Variants in KLRG1 observed in about 807,000 individuals in gnomAD.
KLRG1 encodes the protein killer cell lectin-like receptor subfamily G member 1.
Under a neutral mutation model 21.8 loss-of-function variants are expected in KLRG1, and 16 were observed. That is an observed-to-expected ratio of 0.73 (90% CI 0.50 to 1.11). The LOEUF (loss-of-function observed/expected upper bound fraction) is 1.11, where lower values mean the gene tolerates loss of function less well. KLRG1 is among the 50% of genes most tolerant of loss of function. KLRG1 has a pLI of 0.00. For missense variants in KLRG1, 173 were observed against 218.3 expected, an observed-to-expected ratio of 0.79 and a Z score of 1.31; for synonymous variants, 69 against 75.9, an observed-to-expected ratio of 0.91 and a Z score of 0.47.
chr12:9,099,495 A>G, the KLRG1 span: 2 of 1,610,326 alleles, frequency 1.2e-6, no homozygotes, highest in East Asian at 2.2e-5. Context: ...CTGACTTCAC[A>G]GGGATTGAGA....
At chr12:9,110,434 A>C in the KLRG1 span, 1 of 627,130 alleles carries the variant, frequency 1.6e-6, no homozygotes, top group Non-Finnish European at 2.6e-6. Flanking sequence ...TAACAGGGTG[A>C]GTATAGTAAA....
chr12:9,072,346 C>A, the KLRG1 span: 2 of 1,613,288 alleles, frequency 1.2e-6, no homozygotes, highest in South Asian at 2.2e-5. Context: ...GTGATAGAGT[C>A]AGAAGGTCTT....
At chr12:8,962,781 A>G (rs946110246) in intron 1 of KLRG1, among the ~76,000 whole-genome samples, 4 of 151,886 alleles carry the variant, frequency 2.6e-5, no homozygotes, top group African/African-American at 9.7e-5. Context: ...ACACAAAGGG[A>G]AAACAGAAGA....
the KLRG1 span, among the ~76,000 whole-genome samples, chr12:9,211,295 A>AT: frequency 6.7e-6 from 1 of 150,256 alleles, no homozygotes; most frequent in African/African-American, 2.5e-5. Context: ...CTCTTCTTTA[A>AT]TTTTTTTTCT....
the KLRG1 span, chr12:9,072,816 CT>C: frequency 6.2e-7 from 1 of 1,614,158 alleles, no homozygotes; most frequent in African/African-American, 1.3e-5. Context: ...CTTCCCAGTC[CT>C]GGTAAATGTG....
the KLRG1 span, among the ~76,000 whole-genome samples, chr12:9,145,755 C>T: frequency 6.6e-6 from 1 of 152,114 alleles, no homozygotes; most frequent in African/African-American, 2.4e-5. Context: ...CCTCAGCTTT[C>T]GTTTGTCTGA....
chr12:9,110,611 T>C, the KLRG1 span, among the ~76,000 whole-genome samples: 1 of 151,654 alleles, frequency 6.6e-6, no homozygotes, highest in Non-Finnish European at 1.5e-5. Context: ...ATAATGATAA[T>C]GATTATCATC....
the KLRG1 span, among the ~76,000 whole-genome samples, chr12:9,205,456 T>C: frequency 3.3e-5 from 5 of 152,148 alleles, no homozygotes; most frequent in African/African-American, 1.2e-4. Context: ...AGCAATGCTG[T>C]AAGGTACATG....
chr12:9,180,819 G>C, the KLRG1 span, among the ~76,000 whole-genome samples: 3 of 152,196 alleles, frequency 2.0e-5, no homozygotes, highest in Admixed American at 6.5e-5. Context: ...TTAAACTAAA[G>C]AGCTTCTGCA....
chr12:9,158,239 T>C, the KLRG1 span, among the ~76,000 whole-genome samples: 2 of 152,178 alleles, frequency 1.3e-5, no homozygotes, highest in African/African-American at 2.4e-5. Context: ...CTACGTGTGA[T>C]CCACTGCATC....
At chr12:9,069,927 CT>C in the KLRG1 span, 4 of 869,344 alleles carry the variant, frequency 4.6e-6, no homozygotes, top group Non-Finnish European at 7.6e-6. Context: ...TCTTCAAATG[CT>C]TTTTGTAAGG....
At chr12:8,959,951 A>G (rs1946355943) in intron 1 of KLRG1, among the ~76,000 whole-genome samples, 1 of 152,216 alleles carries the variant, frequency 6.6e-6, no homozygotes, top group Non-Finnish European at 1.5e-5. Flanking sequence ...TATTTAGACA[A>G]TGAATTTGTC....
chr12:9,199,761 C>A, the KLRG1 span, among the ~76,000 whole-genome samples: 2 of 151,950 alleles, frequency 1.3e-5, no homozygotes, highest in Non-Finnish European at 2.9e-5. Flanking sequence ...GGAAATGGGA[C>A]AAAAAGAACC....
chr12:9,202,641 A>G, the KLRG1 span: 1 of 1,614,082 alleles, frequency 6.2e-7, no homozygotes, highest in Non-Finnish European at 8.5e-7. Flanking sequence ...CTTTATCTGG[A>G]TGCTAAGGAA....
the KLRG1 span, among the ~76,000 whole-genome samples, chr12:9,183,534 G>T: frequency 1.1e-4 from 17 of 152,144 alleles, no homozygotes; most frequent in African/African-American, 4.1e-4. Context: ...CCAGTAGCTG[G>T]GACTATAGGT....
the KLRG1 span, chr12:9,152,938 T>A: frequency 2.5e-6 from 4 of 1,614,168 alleles, no homozygotes; most frequent in East Asian, 8.9e-5. Context: ...AAGAATATTG[T>A]ATTTCATGGA....
the KLRG1 span, among the ~76,000 whole-genome samples, chr12:9,025,086 A>T: frequency 6.6e-6 from 1 of 152,222 alleles, no homozygotes; most frequent in Non-Finnish European, 1.5e-5. Context: ...TGGAAATGGC[A>T]ATATGAAGGT....
chr12:9,027,727 C>G, the KLRG1 span: 1 of 1,327,652 alleles, frequency 7.5e-7, no homozygotes, highest in Non-Finnish European at 1.1e-6. Flanking sequence ...TCCACCACCT[C>G]CAAAATTGCT....
At chr12:8,978,651 T>TA (rs1946699915) in intron 1 of KLRG1, among the ~76,000 whole-genome samples, 2 of 126,196 alleles carry the variant, frequency 1.6e-5, no homozygotes, top group South Asian at 5.0e-4. Flanking sequence ...TTTCTTTCTT[T>TA]CTTTCTTTCT....
Sources: allele counts gnomAD v4.1 joint callset (sites outside exome capture counted in the v4.1 genomes callset), GRCh38; gene constraint gnomAD v4.1.1; transcripts MANE v1.5; gene names NCBI Gene and HGNC (gene_info 2026-07-23, HGNC 2026-07-21).